The following HMCN1 variants were observed in gnomAD, a reference collection of about 807,000 sequenced individuals.
HMCN1 encodes the protein hemicentin 1, also known as hemicentin-1.
Under a neutral mutation model 625.9 loss-of-function variants are expected in HMCN1, and 321 were observed. That is an observed-to-expected ratio of 0.51 (90% CI 0.47 to 0.56). The LOEUF (loss-of-function observed/expected upper bound fraction) is 0.56, where lower values mean the gene tolerates loss of function less well. Ranked by LOEUF, HMCN1 falls within the 20% of genes least tolerant of loss-of-function variation. The pLI is 0.00. For synonymous variants in HMCN1, 2,425 were observed against 2,417.6 expected (o/e 1.00, Z -0.09); for missense variants, 6,588 against 6,887.3 (o/e 0.96, Z 1.54).
chr1:185,986,225 T>C (rs1286993938), intron 19 of HMCN1, among the ~76,000 whole-genome samples: 1 of 152,202 alleles, frequency 6.6e-6, no homozygotes, highest in Non-Finnish European at 1.5e-5. Flanking sequence ...TATGAGTATG[T>C]AGCATATCTA....
intron 2 of HMCN1, among the ~76,000 whole-genome samples, chr1:185,847,803 T>A (rs573162018): frequency 4.6e-5 from 7 of 151,436 alleles, no homozygotes; most frequent in Admixed American, 2.6e-4. Flanking sequence ...GAAAAAAAAA[T>A]TCAGCCAGGC....
intron 11 of HMCN1, among the ~76,000 whole-genome samples, chr1:185,937,917 A>ATAATAATAG (rs1553260996): frequency 3.4e-5 from 5 of 146,550 alleles, no homozygotes; most frequent in Admixed American, 3.4e-4. Flanking sequence ...AATAATAATA[A>ATAATAATAG]TAATAGTAAT....
intron 60 of HMCN1, 117 bp from the exon 61 acceptor site, chr1:186,087,815 C>A: frequency 8.8e-7 from 1 of 1,140,216 alleles, no homozygotes; most frequent in Non-Finnish European, 1.3e-6. Flanking sequence ...TTGCAGAAGG[C>A]AATTAGAACT....
At chr1:186,173,764 AG>A (rs1558281429) in intron 102 of HMCN1, among the ~76,000 whole-genome samples, 4 of 152,136 alleles carry the variant, frequency 2.6e-5, no homozygotes, top group Non-Finnish European at 4.4e-5. Context: ...AAGCTTAACT[AG>A]ACATGAGTTG....
intron 93 of HMCN1, among the ~76,000 whole-genome samples, chr1:186,146,142 G>T (rs1230053162): frequency 6.6e-6 from 1 of 152,110 alleles, no homozygotes; most frequent in Non-Finnish European, 1.5e-5. Context: ...AAAGGATATA[G>T]TCCTGGCATT....
intron 21 of HMCN1, 42 bp downstream of exon 21, chr1:185,989,689 T>C (rs1357668426): frequency 6.2e-7 from 1 of 1,600,936 alleles, no homozygotes; most frequent in South Asian, 1.1e-5. Context: ...ACATTGTCTA[T>C]CTGTGCCAAA....
At chr1:186,028,727 T>TC (rs1475599527) in intron 36 of HMCN1, among the ~76,000 whole-genome samples, 1 of 137,412 alleles carries the variant, frequency 7.3e-6, no homozygotes, top group Non-Finnish European at 1.5e-5. Context: ...TAAAGCATAT[T>TC]TTTTTTTTTT....
intron 4 of HMCN1, among the ~76,000 whole-genome samples, chr1:185,884,366 G>A (rs2102397497): frequency 6.6e-6 from 1 of 152,038 alleles, no homozygotes; most frequent in Admixed American, 6.6e-5. Context: ...TCCTTATGCA[G>A]ATATCTGGAC....
intron 43 of HMCN1, among the ~76,000 whole-genome samples, chr1:186,053,562 T>A (rs1008416971): frequency 6.6e-6 from 1 of 152,042 alleles, no homozygotes; most frequent in Non-Finnish European, 1.5e-5. Flanking sequence ...CAATGTACAT[T>A]AAGACTGAAT....
At chr1:185,853,816 G>T (rs780892721) in intron 2 of HMCN1, among the ~76,000 whole-genome samples, 14 of 152,174 alleles carry the variant, frequency 9.2e-5, no homozygotes, top group Non-Finnish European at 1.8e-4. Context: ...GAGTGGGGTG[G>T]ATATTATAAT....
At chr1:185,755,625 C>G (rs1356606676) in intron 1 of HMCN1, among the ~76,000 whole-genome samples, 1 of 152,198 alleles carries the variant, frequency 6.6e-6, no homozygotes, top group Admixed American at 6.5e-5. Context: ...TCAAGTATCA[C>G]TCCATCAGCT....
At chr1:186,126,877 T>C (rs967537953) in intron 82 of HMCN1, among the ~76,000 whole-genome samples, 1 of 152,042 alleles carries the variant, frequency 6.6e-6, no homozygotes, top group African/African-American at 2.4e-5. Context: ...AAGGGTTACG[T>C]TGGCTGTTGT....
intron 105 of HMCN1, among the ~76,000 whole-genome samples, chr1:186,183,614 G>A (rs1653086640): frequency 6.6e-6 from 1 of 152,066 alleles, no homozygotes; most frequent in Non-Finnish European, 1.5e-5. Flanking sequence ...AATATGTCAA[G>A]GGCAATAATT....
chr1:185,806,807 C>T (rs2102236715), intron 1 of HMCN1, among the ~76,000 whole-genome samples: 1 of 152,180 alleles, frequency 6.6e-6, no homozygotes, highest in African/African-American at 2.4e-5. Context: ...AAAATGCCCA[C>T]TGTGTTTTTA....
chr1:186,178,791 C>A, intron 104 of HMCN1, 25 bp downstream of exon 104: 1 of 1,464,496 alleles, frequency 6.8e-7, no homozygotes, highest in Non-Finnish European at 9.6e-7. Context: ...TATTACATTT[C>A]CTTTCTGTGG....
chr1:185,781,505 A>G (rs960616595), intron 1 of HMCN1, among the ~76,000 whole-genome samples: 7 of 152,154 alleles, frequency 4.6e-5, no homozygotes, highest in African/African-American at 1.7e-4. Context: ...ATTTCCCTCT[A>G]CACACTGCTT....
chr1:185,930,804 G>A (rs1315652221), intron 10 of HMCN1, among the ~76,000 whole-genome samples: 1 of 151,904 alleles, frequency 6.6e-6, no homozygotes, highest in Non-Finnish European at 1.5e-5. Flanking sequence ...GCAGAAGCAT[G>A]AAAAACTTAT....
At chr1:185,786,875 C>T (rs1657611662) in intron 1 of HMCN1, among the ~76,000 whole-genome samples, 1 of 152,112 alleles carries the variant, frequency 6.6e-6, no homozygotes, top group Admixed American at 6.6e-5. Flanking sequence ...CTACGTTTGC[C>T]AACATTTCAT....
chr1:185,772,697 G>A (rs542775808), intron 1 of HMCN1, among the ~76,000 whole-genome samples: 1 of 152,114 alleles, frequency 6.6e-6, no homozygotes, highest in Non-Finnish European at 1.5e-5. Flanking sequence ...GAAGATGACT[G>A]TTGTAGTCCA....
Sources: allele counts gnomAD v4.1 joint callset (sites outside exome capture counted in the v4.1 genomes callset), GRCh38; gene constraint gnomAD v4.1.1; transcripts MANE v1.5; gene names NCBI Gene and HGNC (gene_info 2026-07-23, HGNC 2026-07-21).